MEIS1: variants seen among roughly 807,000 people sequenced by gnomAD.
MEIS1 encodes homeobox protein Meis1.
Under a neutral mutation model 50.8 loss-of-function variants are expected in MEIS1, and 5 were observed. The ratio of observed to expected loss-of-function variants is 0.10; its 90% CI spans 0.05 to 0.21. The LOEUF (loss-of-function observed/expected upper bound fraction) is 0.21, where lower values mean the gene tolerates loss of function less well. MEIS1 is among the 10% of genes least tolerant of loss of function. The pLI is 1.00. For missense variants in MEIS1, 318 were observed against 517.3 expected (o/e 0.61, Z 3.74); for synonymous variants, 176 against 179.3 (o/e 0.98, Z 0.15).
rs111248476 is a variant in MEIS1 at position 66,571,691 on chromosome 2, T to C, written c.*483T>C. The C allele has an allele frequency of 1.8e-3, 1,272 of 717,120 alleles. 3 individuals carry two copies. The highest frequency in any genetic ancestry group is 2.0e-3 in the Non-Finnish European group (860 of 438,754). 44.4% of individuals were successfully genotyped at this position (717,120 alleles called of 1,614,324 possible). Reference sequence around the variant, plus strand: ...GCAGGAAATACCAACTGAAGTCAATTTGGGGGACATGCTAAATAACTATAT... The same window carrying C: ...GCAGGAAATACCAACTGAAGTCAATCTGGGGGACATGCTAAATAACTATAT... On this transcript the variant is annotated 3_prime_UTR_variant, in exon 13 of 13. Coordinates refer to ENST00000272369, the MANE Select transcript of MEIS1 (RefSeq NM_002398.3).
intron 7 of MEIS1, among the ~76,000 whole-genome samples, chr2:66,486,222 T>C (rs1399083723): frequency 6.6e-6 from 1 of 152,238 alleles, no homozygotes; most frequent in Non-Finnish European, 1.5e-5. Flanking sequence ...AGGGTTTTTA[T>C]GGTTTTAGGT....
chr2:66,440,061 G>GAACACACA lies in MEIS1; in HGVS notation c.381+77_381+78insAACACACA, dbSNP rs1467861843. 15 of 1,202,384 alleles carry GAACACACA rather than the reference G, an allele frequency of 1.2e-5. No homozygotes were observed. The South Asian group carries it at 1.6e-4, about 13-fold the overall frequency. The allele number at this position is 1,202,384 out of a possible 1,614,324, so 74.5% of individuals were successfully genotyped here. The stretch of plus-strand genomic sequence containing the variant: ...TTCGCCAACACACACGCGCGCGCGC[G>GAACACACA]CGCGCGAACACACACACACACACAC... On this transcript the variant is annotated intron_variant, in intron 3 of 12. Coordinates refer to ENST00000272369, the MANE Select transcript of MEIS1 (RefSeq NM_002398.3).
chr2:66,559,706 A>G (rs1461400744), intron 9 of MEIS1, among the ~76,000 whole-genome samples: 1 of 152,188 alleles, frequency 6.6e-6, no homozygotes, highest in Non-Finnish European at 1.5e-5. Context: ...TTTTAAATCT[A>G]TATTCTAAAC....
chr2:66,489,234 C>G (rs556804784), intron 7 of MEIS1, among the ~76,000 whole-genome samples: 7 of 152,148 alleles, frequency 4.6e-5, no homozygotes, highest in Non-Finnish European at 8.8e-5. Flanking sequence ...GGACATATTA[C>G]CAAGAAAAAC....
intron 8 of MEIS1, among the ~76,000 whole-genome samples, chr2:66,532,044 T>C (rs115566126): frequency 0.013 from 1,949 of 152,302 alleles, 19 homozygotes; most frequent in Non-Finnish European, 0.021. Flanking sequence ...AAACTAGTTA[T>C]AACCAGTTTT....
At chr2:66,528,179 T>C (rs1317516962) in intron 8 of MEIS1, among the ~76,000 whole-genome samples, 1 of 152,112 alleles carries the variant, frequency 6.6e-6, no homozygotes, top group Non-Finnish European at 1.5e-5. Context: ...TATAGAGTCA[T>C]AGATCCAGAG....
intron 7 of MEIS1, among the ~76,000 whole-genome samples, chr2:66,469,738 C>T (rs1052045304): frequency 4.6e-5 from 7 of 152,106 alleles, no homozygotes; most frequent in African/African-American, 1.4e-4. Context: ...AATTATGGCT[C>T]GGCTTAAGTG....
intron 8 of MEIS1, among the ~76,000 whole-genome samples, chr2:66,514,981 C>T (rs1338667975): frequency 6.6e-6 from 1 of 152,084 alleles, no homozygotes; most frequent in Non-Finnish European, 1.5e-5. Flanking sequence ...TGTAAGTAAC[C>T]ACTGACATCT....
intron 8 of MEIS1, among the ~76,000 whole-genome samples, chr2:66,541,868 A>G (rs1485425436): frequency 6.6e-6 from 1 of 152,246 alleles, no homozygotes; most frequent in African/African-American, 2.4e-5. Context: ...TAATGCAAAT[A>G]GGAGGCACAA....
At chr2:66,541,657 G>A (rs559305784) in intron 8 of MEIS1, among the ~76,000 whole-genome samples, 107 of 152,154 alleles carry the variant, frequency 7.0e-4, no homozygotes, top group Non-Finnish European at 1.1e-3. Context: ...GAGCAACTAG[G>A]CAATATAGGA....
Position 66,437,785 on chromosome 2 carries a change from T to A in MEIS1, c.61T>A (p.Ser21Thr). ...YGGMDGVGIP[S>T]TMYGDPHAAR... ...GGGCATGGATGGAGTAGGCATCCCC[T>A]CCACGATGTATGGGGACCCGCATGC... The change falls in exon 2 of 13, where the codon TCC (serine) becomes ACC (threonine). Residue 21 changes from serine (S) to threonine (T), a missense_variant. Physicochemically the swap from Ser to Thr is moderately conservative, Grantham distance 58. Around this residue, in one of 6 missense-constraint regions of MEIS1, gnomAD observed 100 missense variants for 107.1 expected, o/e 0.93. Coordinates refer to ENST00000272369, the MANE Select transcript of MEIS1 (RefSeq NM_002398.3). The A allele has an allele frequency of 6.2e-7, 1 of 1,613,852 alleles. No homozygotes were observed.
At position 66,528,887 on chromosome 2, in the gene MEIS1, C is replaced by T. The variant is rs536330910; in HGVS notation, c.888+16593C>T. On this transcript the variant is annotated intron_variant, in intron 8 of 12. Transcript: ENST00000272369. ...TTGAGGTCTGACACTGGTGCCCTGG[C>T]GCCTCTCTCACCATTTTCATACAGG... Among the ~76,000 whole-genome samples, 11 of 152,182 alleles carry T rather than the reference C, an allele frequency of 7.2e-5. No individual in the cohort carries two copies. The South Asian group carries it at 8.3e-4, about 12-fold the overall frequency.
chr2:66,528,816 C>T (rs1402561014), intron 8 of MEIS1, among the ~76,000 whole-genome samples: 1 of 152,128 alleles, frequency 6.6e-6, no homozygotes, highest in Non-Finnish European at 1.5e-5. Flanking sequence ...CCCTACTACC[C>T]GTAGGATATG....
chr2:66,532,106 T>G (rs1024133833), intron 8 of MEIS1, among the ~76,000 whole-genome samples: 2 of 152,132 alleles, frequency 1.3e-5, no homozygotes, highest in African/African-American at 4.8e-5. Flanking sequence ...CCTATGGGAA[T>G]TAGTTTTGAT....
intron 7 of MEIS1, among the ~76,000 whole-genome samples, chr2:66,466,168 T>C (rs1328792703): frequency 3.9e-5 from 6 of 152,194 alleles, no homozygotes; most frequent in Admixed American, 3.9e-4. Flanking sequence ...ACAAAGAAGC[T>C]GAGTGATTTG....
In MEIS1 at chr2:66,548,066, G is replaced by A. The variant is rs1674833161; in HGVS notation, c.965+47G>A. 1.9e-6 allele frequency: 3 copies of A among 1,576,706 alleles called. No homozygotes were observed. In the African/African-American group the frequency reaches 4.1e-5, roughly 21 times the overall value. Reference sequence around the variant, plus strand: ...TTACACACAATCTGTTTCCCCCTCTGGCAACCTGCAGCTCATGTTTTGCAT... The same window carrying A: ...TTACACACAATCTGTTTCCCCCTCTAGCAACCTGCAGCTCATGTTTTGCAT... On this transcript the variant is annotated intron_variant, in intron 9 of 12. Transcript: ENST00000272369.
At chr2:66,529,226 A>G (rs1019424360) in intron 8 of MEIS1, among the ~76,000 whole-genome samples, 2 of 152,134 alleles carry the variant, frequency 1.3e-5, no homozygotes, top group Non-Finnish European at 2.9e-5. Flanking sequence ...GTGCCTTTCT[A>G]TCTAGAGGTC....
At chr2:66,456,147 C>T (rs747564461) in intron 6 of MEIS1, among the ~76,000 whole-genome samples, 1 of 151,708 alleles carries the variant, frequency 6.6e-6, no homozygotes, top group Admixed American at 6.6e-5. Flanking sequence ...ATTTGTGGTA[C>T]GTGAGAACTG....
At chr2:66,503,215 G>C (rs1360768472) in intron 7 of MEIS1, among the ~76,000 whole-genome samples, 1 of 152,154 alleles carries the variant, frequency 6.6e-6, no homozygotes, top group African/African-American at 2.4e-5. Context: ...TGACCCCATA[G>C]ATACTTATGA....
Sources: gnomAD v4.1 joint callset for allele counts (sites outside exome capture counted in the v4.1 genomes callset) on GRCh38, gnomAD v4.1.1 for gene constraint, gnomAD v4.1.1 regional missense constraint, MANE v1.5 for transcripts, NCBI Gene and HGNC (gene_info 2026-07-23, HGNC 2026-07-21) for gene names.